The following STYX variants were observed in gnomAD, a reference collection of about 807,000 sequenced individuals.
STYX encodes serine/threonine/tyrosine interacting protein.
In STYX, 20 loss-of-function variants were observed where a neutral mutation model predicts 42.7. That is an observed-to-expected ratio of 0.47 (90% CI 0.33 to 0.68). The LOEUF (loss-of-function observed/expected upper bound fraction) is 0.68. Among genes scored for constraint, STYX ranks in the 30% least tolerant of loss-of-function variants. STYX has a pLI of 0.02. For missense variants in STYX, 226 were observed against 268.5 expected (o/e 0.84, Z 1.11); for synonymous variants, 78 against 81.9 (o/e 0.95, Z 0.26).
Position 52,730,369 on chromosome 14 carries a change from C to T in STYX, c.-106C>T. 6 of 1,165,354 alleles carry T rather than the reference C, an allele frequency of 5.1e-6. No individual in the cohort carries two copies. The highest frequency in any genetic ancestry group is 3.0e-5 in the African/African-American group (2 of 65,886). 72.2% of individuals were successfully genotyped at this position (1,165,354 alleles called of 1,614,324 possible). A position where few individuals can be genotyped will look rare whatever the true frequency, so the allele number is the denominator to read the frequency against. ...GTAATCCCGCCGCCCTCCTGTCAGC[C>T]CTCCGCTCCGCCGGCCCTCCTTCCT... On this transcript the variant is annotated 5_prime_UTR_variant, in exon 1 of 11. Coordinates refer to ENST00000354586, the MANE Select transcript of STYX (RefSeq NM_145251.4).
rs185637047 is a variant in STYX at position 52,771,121 on chromosome 14, T to C, written c.*15T>C. On this transcript the variant is annotated 3_prime_UTR_variant, in exon 11 of 11. Transcript: ENST00000354586. ...AGAATGGCTGACTTGAAGAGCAACA[T>C]CATAGAGTGTGAATTTCTATTTGGG... The C allele has an allele frequency of 2.2e-3, 3,553 of 1,587,032 alleles. 75 individuals carry two copies. In the African/African-American group the frequency reaches 0.042, roughly 19 times the overall value.
rs1465517936 is a variant in STYX, at chr14:52,771,203, T to C, written c.*97T>C. ...AAAATGGTAAAAACATAAGTAGTTT[T>C]TTTTTCAATTACATGTTGCTTCCAG... On this transcript the variant is annotated 3_prime_UTR_variant, in exon 11 of 11. Transcript: ENST00000354586. The C allele has an allele frequency of 8.7e-7, 1 of 1,147,458 alleles. No individual in the cohort carries two copies. The highest frequency in any genetic ancestry group is 2.4e-5 in the Admixed American group (1 of 40,906). The allele number at this position is 1,147,458 out of a possible 1,614,324, so 71.1% of individuals were successfully genotyped here.
At chr14:52,745,228 C>G (rs564930043) in intron 2 of STYX, among the ~76,000 whole-genome samples, 5 of 151,030 alleles carry the variant, frequency 3.3e-5, no homozygotes, top group African/African-American at 1.2e-4. Flanking sequence ...TCAAGTGATT[C>G]TCCTGCCTCA....
intron 4 of STYX, among the ~76,000 whole-genome samples, chr14:52,753,328 G>A (rs1035468697): frequency 2.0e-5 from 3 of 151,598 alleles, no homozygotes; most frequent in African/African-American, 7.3e-5. Context: ...TGGGATTACA[G>A]GTGTGAGCCA....
At chr14:52,734,869 G>T (rs1880884150) in intron 1 of STYX, among the ~76,000 whole-genome samples, 1 of 152,070 alleles carries the variant, frequency 6.6e-6, no homozygotes, top group South Asian at 2.1e-4. Context: ...AGACCATCCT[G>T]GCTAACACGG....
chr14:52,752,748 T>G (rs1361480653), intron 4 of STYX, among the ~76,000 whole-genome samples: 3 of 152,060 alleles, frequency 2.0e-5, no homozygotes, highest in Middle Eastern at 3.2e-3. Context: ...TCTTAATATA[T>G]GCATAGAAAA....
At chr14:52,763,327 A>T (rs561384185) in intron 9 of STYX, among the ~76,000 whole-genome samples, 3 of 151,724 alleles carry the variant, frequency 2.0e-5, no homozygotes, top group South Asian at 4.2e-4. Context: ...TGGTTCTATT[A>T]TTTTTTTTCT....
At chr14:52,753,781 A>G (rs922786675) in intron 4 of STYX, among the ~76,000 whole-genome samples, 2 of 147,204 alleles carry the variant, frequency 1.4e-5, no homozygotes, top group African/African-American at 5.0e-5. Flanking sequence ...ATCCACAGGT[A>G]TGAAATTCTT....
At chr14:52,758,024 A>G in intron 8 of STYX, 100 bp downstream of exon 8, 1 of 1,300,296 alleles carries the variant, frequency 7.7e-7, no homozygotes, top group South Asian at 1.3e-5. Flanking sequence ...TCCCCTGATT[A>G]TTTTTCATGT....
Position 52,769,245 on chromosome 14 carries a change from T to G in STYX, c.598+312T>G, listed in dbSNP as rs1475872657. Among the ~76,000 whole-genome samples, 5 of 152,074 alleles carry G rather than the reference T, an allele frequency of 3.3e-5. No homozygotes were observed. The East Asian group carries it at 7.7e-4, about 23-fold the overall frequency. ...GCGTGTAGCATGGCTAATGTGAGCT[T>G]CTTTCTCTTGCCATCAATATTTCCA... On this transcript the variant is annotated intron_variant, in intron 10 of 10. Transcript: ENST00000354586.
Position 52,758,825 on chromosome 14 carries a change from C to T in STYX, c.432-857C>T, listed in dbSNP as rs182861755. Among the ~76,000 whole-genome samples, 825 of 152,220 alleles carry T rather than the reference C, an allele frequency of 5.4e-3. 6 individuals are homozygous for T. The highest frequency in any genetic ancestry group is 0.017 in the African/African-American group (725 of 41,538). On this transcript the variant is annotated intron_variant, in intron 8 of 10. Coordinates refer to ENST00000354586, the MANE Select transcript of STYX (RefSeq NM_145251.4). ...TCTTGACCTTGTGATCCACCTGCCT[C>T]GGCCTCCCAAGGTGCTGGTATTACA...
At position 52,750,781 on chromosome 14, in the gene STYX, G is replaced by A; in HGVS notation, c.242+1G>A. 1 of 1,538,398 alleles carries A rather than the reference G, an allele frequency of 6.5e-7. No individual in the cohort carries two copies. Among genetic ancestry groups the A allele is most frequent in the Non-Finnish European group, 8.9e-7 (1 of 1,129,876 alleles). The stretch of plus-strand genomic sequence containing the variant: ...AACCAAACTTTCAGCAGTTATTTAG[G>A]TAAGAATTATTGCTATGATTTGTAA... On this transcript the variant is annotated splice_donor_variant, in intron 4 of 10. Coordinates refer to ENST00000354586, the MANE Select transcript of STYX (RefSeq NM_145251.4). LOFTEE classifies it high-confidence loss of function.
intron 4 of STYX, among the ~76,000 whole-genome samples, chr14:52,752,160 AAAAACAAAAC>A (rs886430808): frequency 2.5e-5 from 3 of 119,966 alleles, no homozygotes; most frequent in Non-Finnish European, 5.4e-5. Context: ...ACACCGTCTC[AAAAACAAAAC>A]AAAACAAAAC....
At chr14:52,734,914 A>G (rs1391866921) in intron 1 of STYX, among the ~76,000 whole-genome samples, 1 of 151,888 alleles carries the variant, frequency 6.6e-6, no homozygotes, top group Non-Finnish European at 1.5e-5. Context: ...AAAATTAGCC[A>G]GGTATGGTGG....
At position 52,741,224 on chromosome 14, in the gene STYX, A is replaced by AT. The variant is rs1434410519; in HGVS notation, c.58-3627dup. On this transcript the variant is annotated intron_variant, in intron 1 of 10. Transcript: ENST00000354586. ...GATATATGTTTTTATATATATATAT[A>AT]TATATATTTTTTTTTTGGTAAAGCC... Among the ~76,000 whole-genome samples, 139 of 92,050 alleles carry AT rather than the reference A, an allele frequency of 1.5e-3. 1 individual carries two copies. The highest frequency in any genetic ancestry group is 6.0e-3 in the Middle Eastern group (1 of 166). The allele number at this position is 92,050 out of a possible 152,430, so 60.4% of individuals were successfully genotyped here.
chr14:52,744,652 T>C (rs559565450), intron 1 of STYX, among the ~76,000 whole-genome samples, 200 bp from the exon 2 acceptor site: 236 of 152,380 alleles, frequency 1.5e-3, no homozygotes, highest in African/African-American at 5.4e-3. Flanking sequence ...AGCCTAGTTA[T>C]TTAAAGAATG....
In STYX at chr14:52,771,854, T is replaced by TA. The variant is rs778087803; in HGVS notation, c.*751dup. The TA allele has an allele frequency of 2.6e-5, 4 of 152,514 alleles. No homozygotes were observed. Among genetic ancestry groups the TA allele is most frequent in the Non-Finnish European group, 4.4e-5 (3 of 67,940 alleles). The allele number at this position is 152,514 out of a possible 1,614,324, so 9.4% of individuals were successfully genotyped here. Reference sequence around the variant, plus strand: ...GTTTTGATTTATAGTACCAAGTGCTTAAACACAAGGATAGTGTTAGATTTT... The same window carrying TA: ...GTTTTGATTTATAGTACCAAGTGCTTAAAACACAAGGATAGTGTTAGATTTT... On this transcript the variant is annotated 3_prime_UTR_variant, in exon 11 of 11. Coordinates refer to ENST00000354586, the MANE Select transcript of STYX (RefSeq NM_145251.4).
intron 9 of STYX, among the ~76,000 whole-genome samples, chr14:52,764,665 C>CTTT (rs1882228900): frequency 8.9e-6 from 1 of 111,746 alleles, no homozygotes; most frequent in Non-Finnish European, 1.9e-5. Context: ...ATTTACTTTT[C>CTTT]CTTTTTTTTT....
chr14:52,747,763 A>G (rs957147038), intron 3 of STYX, among the ~76,000 whole-genome samples: 6 of 152,214 alleles, frequency 3.9e-5, no homozygotes, highest in African/African-American at 1.2e-4. Flanking sequence ...AGGCTGAGGC[A>G]GGCGGATTAC....
Sources: allele counts gnomAD v4.1 joint callset (sites outside exome capture counted in the v4.1 genomes callset), GRCh38; gene constraint gnomAD v4.1.1; transcripts MANE v1.5; gene names NCBI Gene and HGNC (gene_info 2026-07-23, HGNC 2026-07-21).